The following RMDN1 variants were observed in gnomAD, a reference collection of about 807,000 sequenced individuals.
RMDN1 encodes the protein regulator of microtubule dynamics 1, also known as regulator of microtubule dynamics protein 1.
Under a neutral mutation model 48.9 loss-of-function variants are expected in RMDN1, and 48 were observed. The ratio of observed to expected loss-of-function variants is 0.98; its 90% CI spans 0.78 to 1.25. The LOEUF (loss-of-function observed/expected upper bound fraction) is 1.25. Ranked by LOEUF, RMDN1 falls within the 50% of genes most tolerant of loss-of-function variation. The probability of loss-of-function intolerance (pLI) is 0.00; values close to 1 mark genes in which losing one functional copy is unlikely to be tolerated. For synonymous variants in RMDN1, 148 were observed against 132.6 expected (o/e 1.12, Z -0.80); for missense variants, 418 against 373.4 (o/e 1.12, Z -0.98).
At chr8:86,485,856 C>G (rs1168561300) in intron 4 of RMDN1, among the ~76,000 whole-genome samples, 1 of 152,156 alleles carries the variant, frequency 6.6e-6, no homozygotes, top group Non-Finnish European at 1.5e-5. Context: ...CAGGTAACAG[C>G]AGAGTAGAGA....
upstream of RMDN1, chr8:86,508,719 C>CCCGCCTCCTACACAGCACCTCTT (rs1819849650): frequency 5.1e-6 from 7 of 1,382,616 alleles, no homozygotes; most frequent in East Asian, 1.8e-4. Flanking sequence ...ACCGCGCCCG[C>CCCGCCTCCTACACAGCACCTCTT]CCGCCTCCTG....
chr8:86,492,691 A>T (rs999072884), intron 2 of RMDN1, among the ~76,000 whole-genome samples: 1 of 147,272 alleles, frequency 6.8e-6, no homozygotes, highest in Admixed American at 6.8e-5. Context: ...ATAATAATAA[A>T]GAGATAATGA....
chr8:86,479,417 ATAAC>A (rs530540181), intron 6 of RMDN1, among the ~76,000 whole-genome samples: 244 of 152,366 alleles, frequency 1.6e-3, no homozygotes, highest in Non-Finnish European at 3.1e-3. Flanking sequence ...AAATGTATAA[ATAAC>A]AGCAACCAAC....
At chr8:86,500,287 CA>C (rs1817994899) in intron 2 of RMDN1, among the ~76,000 whole-genome samples, 1 of 151,972 alleles carries the variant, frequency 6.6e-6, no homozygotes, top group Admixed American at 6.6e-5. Flanking sequence ...ATGCATCTGA[CA>C]AAGGTCTAAT....
intron 2 of RMDN1, among the ~76,000 whole-genome samples, chr8:86,495,389 G>C (rs369517730): frequency 1.3e-5 from 2 of 148,762 alleles, no homozygotes; most frequent in East Asian, 4.2e-4. Context: ...ACTACCTGGA[G>C]AGCTGCCAGA....
chr8:86,480,142 G>A, intron 6 of RMDN1, 135 bp downstream of exon 6: 1 of 475,776 alleles, frequency 2.1e-6, no homozygotes, highest in Non-Finnish European at 3.8e-6. Flanking sequence ...CTAGTTAATG[G>A]ATTTAGCACT....
intron 5 of RMDN1, chr8:86,482,927 G>C: frequency 2.3e-6 from 2 of 862,050 alleles, no homozygotes; most frequent in Non-Finnish European, 4.0e-6. Context: ...GTTTCCTCCA[G>C]AGGCAGGTGG....
At chr8:86,509,761 A>C (rs1157737158), upstream of RMDN1, among the ~76,000 whole-genome samples, 1 of 152,182 alleles carries the variant, frequency 6.6e-6, no homozygotes, top group Non-Finnish European at 1.5e-5. Flanking sequence ...TGCTCCTTCT[A>C]CTATATGATT....
At position 86,473,966 on chromosome 8, in the gene RMDN1, C is replaced by A; in HGVS notation, c.*342G>T. Reference sequence around the variant, plus strand: ...TGAAAATCCATCCCCCTGTATATCCCCTATAGATCCATTTCCCCTCCTCTA... The same window carrying A: ...TGAAAATCCATCCCCCTGTATATCCACTATAGATCCATTTCCCCTCCTCTA... On this transcript the variant is annotated 3_prime_UTR_variant, in exon 10 of 10. Transcript: ENST00000406452. The A allele has an allele frequency of 9.5e-7, 1 of 1,049,134 alleles. No individual in the cohort carries two copies. The highest frequency in any genetic ancestry group is 1.1e-6 in the Non-Finnish European group (1 of 870,230). The allele number at this position is 1,049,134 out of a possible 1,614,324, so 65.0% of individuals were successfully genotyped here. A position where few individuals can be genotyped will look rare whatever the true frequency, so the allele number is the denominator to read the frequency against.
chr8:86,504,413 A>G, intron 2 of RMDN1: 1 of 1,559,954 alleles, frequency 6.4e-7, no homozygotes. Flanking sequence ...ATTGTGCTCC[A>G]GCTCTCTCGA....
In RMDN1 at chr8:86,478,583, C is replaced by T. The variant is rs573727994; in HGVS notation, c.729+340G>A. Among the ~76,000 whole-genome samples the T allele has an allele frequency of 8.5e-5, 13 of 152,270 alleles. No homozygotes were observed. In the East Asian group the frequency reaches 2.1e-3, roughly 25 times the overall value. Reference sequence around the variant, plus strand: ...TACTTTTCTGTTATTGTGTGTAATACAGCTAAAACATGCTGGGTAACAGAT... The same window carrying T: ...TACTTTTCTGTTATTGTGTGTAATATAGCTAAAACATGCTGGGTAACAGAT... On this transcript the variant is annotated intron_variant, in intron 7 of 9. Transcript: ENST00000406452.
intron 7 of RMDN1, 114 bp from the exon 8 acceptor site, chr8:86,477,438 C>A (rs950306082): frequency 3.7e-6 from 3 of 806,278 alleles, no homozygotes; most frequent in African/African-American, 3.5e-5. Flanking sequence ...GGAAGTAAAT[C>A]ATCTTAAAAT....
downstream of RMDN1, among the ~76,000 whole-genome samples, chr8:86,471,116 T>A (rs895881528): frequency 7.3e-5 from 11 of 151,414 alleles, no homozygotes; most frequent in Non-Finnish European, 1.5e-4. Context: ...ATGTTAGCAC[T>A]GGGATAGGCT....
At chr8:86,468,428 AG>A (rs1286267898), downstream of RMDN1, 1 of 438,884 alleles carries the variant, frequency 2.3e-6, no homozygotes, top group African/African-American at 2.1e-5. Flanking sequence ...TCAAGCCTAA[AG>A]AATTAAAAAA....
In RMDN1 at chr8:86,502,579, G is replaced by A. The variant is rs138698863; in HGVS notation, c.247+4416C>T. Among the ~76,000 whole-genome samples, 1,510 of 152,168 alleles carry A rather than the reference G, an allele frequency of 9.9e-3. 28 individuals carry two copies. Among genetic ancestry groups the A allele is most frequent in the African/African-American group, 0.034 (1,431 of 41,522 alleles). ...ATATACGTTTACTTATCTATATTAC[G>A]CCAATAAGAAATTTGATGGATTTTT... On this transcript the variant is annotated intron_variant, in intron 2 of 9. Coordinates refer to ENST00000406452, the MANE Select transcript of RMDN1 (RefSeq NM_016033.3).
At position 86,505,089 on chromosome 8, in the gene RMDN1, C is replaced by A. The variant is rs1195438397; in HGVS notation, c.247+1906G>T. 2.9e-6 allele frequency: 4 copies of A among 1,387,508 alleles called. No homozygotes were observed. In the South Asian group the frequency reaches 5.3e-5, roughly 18 times the overall value. 85.9% of individuals were successfully genotyped at this position (1,387,508 alleles called of 1,614,324 possible). A position where few individuals can be genotyped will look rare whatever the true frequency, so the allele number is the denominator to read the frequency against. Reference sequence around the variant, plus strand: ...CTAAGTCATGCCTCCTTCCACCTCCCTCCCAGCATGGGAAAGCCACCTCTC... The same window carrying A: ...CTAAGTCATGCCTCCTTCCACCTCCATCCCAGCATGGGAAAGCCACCTCTC... On this transcript the variant is annotated intron_variant, in intron 2 of 9. Transcript: ENST00000406452.
chr8:86,484,598 A>T (rs1412518978), intron 5 of RMDN1: 2 of 210,848 alleles, frequency 9.5e-6, no homozygotes, highest in Non-Finnish European at 1.9e-5. Flanking sequence ...TGCCCCTGTA[A>T]TCCCAGCTAC....
intron 2 of RMDN1, among the ~76,000 whole-genome samples, chr8:86,496,293 T>C (rs982588873): frequency 1.3e-5 from 2 of 152,216 alleles, no homozygotes; most frequent in African/African-American, 2.4e-5. Context: ...AATTCTCACA[T>C]ATCAGTATGG....
chr8:86,506,552 A>T (rs1420969855), intron 2 of RMDN1, among the ~76,000 whole-genome samples: 1 of 152,122 alleles, frequency 6.6e-6, no homozygotes, highest in Non-Finnish European at 1.5e-5. Context: ...CTCTGGATGG[A>T]AATAGGTTAT....
Sources: allele counts gnomAD v4.1 joint callset (sites outside exome capture counted in the v4.1 genomes callset), GRCh38; gene constraint gnomAD v4.1.1; transcripts MANE v1.5; gene names NCBI Gene and HGNC (gene_info 2026-07-23, HGNC 2026-07-21).